Variants in PSTPIP2 observed in about 807,000 individuals in gnomAD.
PSTPIP2 encodes the protein proline-serine-threonine phosphatase interacting protein 2, also known as proline-serine-threonine phosphatase-interacting protein 2.
A neutral mutation model predicts 63.3 loss-of-function variants in PSTPIP2; 33 were observed. The observed-to-expected ratio is 0.52, with a 90% CI of 0.40 to 0.70. The LOEUF is 0.70. Among genes scored for constraint, PSTPIP2 ranks in the 30% least tolerant of loss-of-function variants. The pLI is 0.00. For missense variants in PSTPIP2, 312 were observed against 400.7 expected, an observed-to-expected ratio of 0.78 and a Z score of 1.89; for synonymous variants, 125 against 132.7, an observed-to-expected ratio of 0.94 and a Z score of 0.40.
chr18:46,000,385 G>A (rs1220412605), intron 6 of PSTPIP2, among the ~76,000 whole-genome samples: 1 of 152,000 alleles, frequency 6.6e-6, no homozygotes, highest in Non-Finnish European at 1.5e-5. Flanking sequence ...TTTATTTATT[G>A]AGACAGAGTC....
chr18:46,050,986 C>G (rs1014317212), intron 1 of PSTPIP2, among the ~76,000 whole-genome samples: 10 of 152,178 alleles, frequency 6.6e-5, no homozygotes, highest in Admixed American at 6.5e-4. Flanking sequence ...CCTCAACCTC[C>G]CAAGTAGCTG....
At chr18:46,030,803 A>C (rs1280407879) in intron 2 of PSTPIP2, among the ~76,000 whole-genome samples, 1 of 152,212 alleles carries the variant, frequency 6.6e-6, no homozygotes, top group Non-Finnish European at 1.5e-5. Context: ...TGGTATAACG[A>C]ATGTTCTTAA....
intron 13 of PSTPIP2, among the ~76,000 whole-genome samples, chr18:45,988,980 G>A (rs1418001040): frequency 1.3e-5 from 2 of 152,162 alleles, no homozygotes; most frequent in Non-Finnish European, 2.9e-5. Context: ...TTTCATCCAT[G>A]CTCAGGTACA....
chr18:46,049,621 C>A (rs953892248), intron 1 of PSTPIP2, among the ~76,000 whole-genome samples: 1 of 152,154 alleles, frequency 6.6e-6, no homozygotes, highest in African/African-American at 2.4e-5. Context: ...GTGACTCACG[C>A]CTGTAATCCT....
In PSTPIP2 at chr18:45,984,594, A is replaced by G. The variant is rs1391157114; in HGVS notation, c.*865T>C. On this transcript the variant is annotated 3_prime_UTR_variant, in exon 15 of 15. Coordinates refer to ENST00000409746, the MANE Select transcript of PSTPIP2 (RefSeq NM_024430.4). ...TAAATTCAGATGGGCTTGGCCATCA[A>G]TAGTCTGTCCCAAGTTTATTGGCAA... 6.6e-6 allele frequency: 1 copy of G among 152,202 alleles called. No homozygotes were observed. Among genetic ancestry groups the G allele is most frequent in the Non-Finnish European group, 1.5e-5 (1 of 68,030 alleles). The allele number at this position is 152,202 out of a possible 1,614,324, so 9.4% of individuals were successfully genotyped here.
intron 6 of PSTPIP2, among the ~76,000 whole-genome samples, chr18:46,004,977 A>G (rs2051709354): frequency 6.6e-6 from 1 of 152,252 alleles, no homozygotes; most frequent in South Asian, 2.1e-4. Flanking sequence ...AATCAATGAC[A>G]GACTGGATAA....
At chr18:46,020,545 C>T (rs1907309485) in intron 3 of PSTPIP2, among the ~76,000 whole-genome samples, 1 of 152,044 alleles carries the variant, frequency 6.6e-6, no homozygotes, top group Non-Finnish European at 1.5e-5. Context: ...CTCAGCTACT[C>T]AGGAGGCTGA....
At chr18:45,991,104 C>G (rs1260434812) in intron 12 of PSTPIP2, among the ~76,000 whole-genome samples, 1 of 152,166 alleles carries the variant, frequency 6.6e-6, no homozygotes, top group Non-Finnish European at 1.5e-5. Context: ...CAGCTCCCAC[C>G]TCATTGTGGG....
intron 2 of PSTPIP2, chr18:46,028,325 G>T: frequency 2.1e-6 from 1 of 471,900 alleles, no homozygotes; most frequent in South Asian, 1.7e-5. Flanking sequence ...TGGAAAGCCG[G>T]AGCGGGGCCG....
chr18:46,028,229 C>T (rs982908085), intron 2 of PSTPIP2: 4 of 386,152 alleles, frequency 1.0e-5, no homozygotes, highest in South Asian at 4.3e-5. Flanking sequence ...TCAAACCTAA[C>T]GATGCCGCGG....
intron 1 of PSTPIP2, among the ~76,000 whole-genome samples, chr18:46,055,827 T>A (rs996785345): frequency 6.6e-6 from 1 of 152,222 alleles, no homozygotes; most frequent in Non-Finnish European, 1.5e-5. Flanking sequence ...AGTATAAAAG[T>A]TCTCCATATT....
intron 14 of PSTPIP2, among the ~76,000 whole-genome samples, chr18:45,987,375 G>T (rs2051478654): frequency 6.6e-6 from 1 of 152,074 alleles, no homozygotes; most frequent in Non-Finnish European, 1.5e-5. Context: ...TGAGAGAGAG[G>T]CTGTTGCCTT....
chr18:45,985,381 G>T lies in PSTPIP2; in HGVS notation c.*78C>A. On this transcript the variant is annotated 3_prime_UTR_variant, in exon 15 of 15. Coordinates refer to ENST00000409746, the MANE Select transcript of PSTPIP2 (RefSeq NM_024430.4). ...AAGTCTTCATTGCTGACATAACGTGGCTATAGGTCCTGCTGCTCTGGGTGC... is the reference window on the plus strand; with the variant it reads ...AAGTCTTCATTGCTGACATAACGTGTCTATAGGTCCTGCTGCTCTGGGTGC... The T allele has an allele frequency of 6.3e-7, 1 of 1,591,072 alleles. No individual in the cohort carries two copies. The highest frequency in any genetic ancestry group is 8.6e-7 in the Non-Finnish European group (1 of 1,165,008).
At chr18:45,999,556 G>T (rs1302983286) in intron 6 of PSTPIP2, 22 bp from the exon 7 acceptor site, 1 of 1,612,438 alleles carries the variant, frequency 6.2e-7, no homozygotes, top group East Asian at 2.2e-5. Flanking sequence ...TGAACAAAGA[G>T]AACCAAAACA....
At chr18:46,049,054 GTGGA>G (rs1440711478) in intron 1 of PSTPIP2, among the ~76,000 whole-genome samples, 44 of 140,168 alleles carry the variant, frequency 3.1e-4, no homozygotes, top group African/African-American at 1.2e-3. Flanking sequence ...GTGTGTGTGT[GTGGA>G]GAGAGAGAGA....
chr18:46,033,782 C>T (rs1046194554), intron 2 of PSTPIP2, among the ~76,000 whole-genome samples: 3 of 151,748 alleles, frequency 2.0e-5, no homozygotes, highest in African/African-American at 7.3e-5. Context: ...AGTTACACAG[C>T]TGCAAGCCAG....
At chr18:45,989,989 G>A (rs1400482858) in intron 13 of PSTPIP2, 1 of 152,192 alleles carries the variant, frequency 6.6e-6, no homozygotes, top group Non-Finnish European at 1.5e-5. Flanking sequence ...TTCTCCCAGA[G>A]ATATCATAGG....
intron 3 of PSTPIP2, among the ~76,000 whole-genome samples, chr18:46,020,380 C>A (rs980678975): frequency 6.6e-6 from 1 of 152,134 alleles, no homozygotes; most frequent in African/African-American, 2.4e-5. Flanking sequence ...TCTGGCCGGG[C>A]GCGGTAGCTC....
intron 1 of PSTPIP2, among the ~76,000 whole-genome samples, chr18:46,065,895 C>A (rs539061706): frequency 9.8e-4 from 149 of 151,888 alleles, no homozygotes; most frequent in Non-Finnish European, 1.8e-3. Context: ...AGCCACTGTG[C>A]CCAGCCAAAG....
Sources: allele counts gnomAD v4.1 joint callset (sites outside exome capture counted in the v4.1 genomes callset), GRCh38; gene constraint gnomAD v4.1.1; transcripts MANE v1.5; gene names NCBI Gene and HGNC (gene_info 2026-07-23, HGNC 2026-07-21).